Variants in CAMK2B observed in about 807,000 individuals in gnomAD.
The protein encoded by CAMK2B is calcium/calmodulin dependent protein kinase II beta.
CAMK2B carries 27 observed loss-of-function variants against 93.7 expected under a neutral mutation model. The observed-to-expected ratio is 0.29, with a 90% confidence interval of 0.21 to 0.40. The LOEUF (loss-of-function observed/expected upper bound fraction) is 0.40. Among genes scored for constraint, CAMK2B ranks in the 10% least tolerant of loss-of-function variants. The pLI is 1.00. For synonymous variants in CAMK2B, 374 were observed against 358.8 expected, an observed-to-expected ratio of 1.04 and a Z score of -0.48; for missense variants, 568 against 895.8, an observed-to-expected ratio of 0.63 and a Z score of 4.67.
rs1425366555 is a variant in CAMK2B, at chr7:44,242,567, G to A, written c.689C>T (p.Ala230Val). 2 of 1,608,756 alleles carry A rather than the reference G, an allele frequency of 1.2e-6. No homozygotes were observed. Among genetic ancestry groups the A allele is most frequent in the Admixed American group, 3.4e-5 (2 of 59,400 alleles). ...AGGGGCTGGTGCACTCACGTCATAG[G>A]CACCAGCCTTGATCTGCTGGTACAG... ...HKLYQQIKAGAYDFPSPEWDT... is the reference protein window; with the variant it reads ...HKLYQQIKAGVYDFPSPEWDT... The change falls in exon 9 of 24, where the codon GCC (alanine) becomes GTC (valine). Residue 230 changes from alanine (A) to valine (V), a missense_variant. Ala to Val is a moderately conservative substitution (Grantham distance 64, BLOSUM62 0). Around this residue, in one of 4 missense-constraint regions of CAMK2B, gnomAD observed 105 missense variants for 372.4 expected, o/e 0.28. Transcript: ENST00000395749.
intron 1 of CAMK2B, among the ~76,000 whole-genome samples, chr7:44,287,505 A>G (rs995893511): frequency 3.3e-5 from 5 of 152,104 alleles, no homozygotes; most frequent in Non-Finnish European, 7.4e-5. Context: ...GCAATCTGTC[A>G]CGGGAAGCCC....
rs2128877570 is a variant in CAMK2B at position 44,224,620 on chromosome 7, C to T, written c.1597+1896G>A. 6.6e-6 allele frequency among the ~76,000 whole-genome samples: 1 copy of T among 152,238 alleles called. No homozygotes were observed. Among genetic ancestry groups the T allele is most frequent in the Non-Finnish European group, 1.5e-5 (1 of 67,996 alleles). On this transcript the variant is annotated intron_variant, in intron 20 of 23. Coordinates refer to ENST00000395749, the MANE Select transcript of CAMK2B (RefSeq NM_001220.5). The surrounding 1 kb of genome is among the most constrained non-coding windows in gnomAD (Gnocchi z 4.4). ...CTAATGCGTCCAGGTGGGGTCAGAG[C>T]AGGTTCTCATCCTGGCCTGGACTCC... is the stretch of plus-strand genomic sequence containing the variant.
intron 15 of CAMK2B, among the ~76,000 whole-genome samples, 192 bp from the exon 16 acceptor site, chr7:44,233,058 A>C (rs1252232498): frequency 6.6e-6 from 1 of 152,070 alleles, no homozygotes; most frequent in Non-Finnish European, 1.5e-5. Context: ...AGCCTGGGTC[A>C]GCCGGCAGGG....
At chr7:44,307,475 A>C (rs1792224169) in intron 1 of CAMK2B, among the ~76,000 whole-genome samples, 1 of 151,828 alleles carries the variant, frequency 6.6e-6, no homozygotes. Context: ...GGAGGGTTTC[A>C]GGAGGCTCAG....
At chr7:44,228,708 T>C in intron 19 of CAMK2B, 88 bp downstream of exon 19, 1 of 1,261,586 alleles carries the variant, frequency 7.9e-7, no homozygotes, top group Non-Finnish European at 1.0e-6. Flanking sequence ...AGCTGGGCCG[T>C]GCATGCAGGT....
intron 5 of CAMK2B, among the ~76,000 whole-genome samples, chr7:44,254,014 C>T (rs1367756381): frequency 2.0e-5 from 3 of 151,706 alleles, no homozygotes; most frequent in Admixed American, 6.6e-5. Flanking sequence ...TGTACTGTTA[C>T]GAGAGACATC....
intron 6 of CAMK2B, 109 bp from the exon 7 acceptor site, chr7:44,243,636 A>C: frequency 1.2e-6 from 1 of 802,932 alleles, no homozygotes; most frequent in Non-Finnish European, 2.1e-6. Flanking sequence ...TGCAAGAGAC[A>C]GGTGCACAGG....
At chr7:44,241,645 CCA>C in intron 11 of CAMK2B, 53 bp downstream of exon 11, 1 of 1,427,304 alleles carries the variant, frequency 7.0e-7, no homozygotes, top group Non-Finnish European at 9.9e-7. Flanking sequence ...CTGCTCCAGC[CCA>C]GAGGGACACA....
chr7:44,307,578 C>G (rs376100158), intron 1 of CAMK2B, among the ~76,000 whole-genome samples: 32 of 152,098 alleles, frequency 2.1e-4, no homozygotes, highest in African/African-American at 7.5e-4. Context: ...CCTCCCCTGC[C>G]CACATGGAGA....
intron 1 of CAMK2B, among the ~76,000 whole-genome samples, chr7:44,295,589 C>T (rs1022725531): frequency 2.6e-5 from 4 of 152,224 alleles, no homozygotes; most frequent in African/African-American, 7.2e-5. Flanking sequence ...GCCTTAGCAG[C>T]GTGCACCCAC....
At chr7:44,278,099 C>T (rs563374169) in intron 2 of CAMK2B, among the ~76,000 whole-genome samples, 43 of 152,342 alleles carry the variant, frequency 2.8e-4, no homozygotes, top group South Asian at 1.4e-3. Flanking sequence ...CCAGGGGCGC[C>T]TGCCATGGGG....
At position 44,240,691 on chromosome 7, in the gene CAMK2B, G is replaced by A; in HGVS notation, c.946+16C>T. On this transcript the variant is annotated intron_variant, in intron 12 of 23. Coordinates refer to ENST00000395749, the MANE Select transcript of CAMK2B (RefSeq NM_001220.5). ...GGAGGGGGCAGCGCCTGTCTCCCTG[G>A]AGAAGAAAGGCTCACCTGAGAAATT... The A allele has an allele frequency of 6.2e-7, 1 of 1,613,670 alleles. No homozygotes were observed. The highest frequency in any genetic ancestry group is 8.5e-7 in the Non-Finnish European group (1 of 1,179,842).
intron 2 of CAMK2B, among the ~76,000 whole-genome samples, chr7:44,281,281 C>T (rs1009849876): frequency 6.6e-6 from 1 of 152,228 alleles, no homozygotes; most frequent in African/African-American, 2.4e-5. Context: ...AGCGGGGCCA[C>T]CAGACACTTG....
At chr7:44,269,072 G>C (rs953894877) in intron 2 of CAMK2B, among the ~76,000 whole-genome samples, 2 of 152,218 alleles carry the variant, frequency 1.3e-5, no homozygotes, top group Non-Finnish European at 2.9e-5. Context: ...AGAGAAGCCA[G>C]CTGAGGGCGA....
At chr7:44,242,931 G>T (rs1422149628) in intron 8 of CAMK2B, among the ~76,000 whole-genome samples, 1 of 152,186 alleles carries the variant, frequency 6.6e-6, no homozygotes, top group Non-Finnish European at 1.5e-5. Context: ...TACCCAAGGA[G>T]GTGGCCCTGC....
intron 16 of CAMK2B, 59 bp downstream of exon 16, chr7:44,232,763 C>G: frequency 6.5e-7 from 1 of 1,538,482 alleles, no homozygotes; most frequent in East Asian, 2.2e-5. Flanking sequence ...CCCCAGACCT[C>G]TCTCCTGGCC....
At chr7:44,229,077 C>T (rs754302669) in intron 18 of CAMK2B, 153 bp from the exon 19 acceptor site, 26 of 757,492 alleles carry the variant, frequency 3.4e-5, no homozygotes, top group Middle Eastern at 2.3e-4. Context: ...TAGCAGGGAG[C>T]CCCCCCGCCC....
At chr7:44,318,427 G>C (rs1328943114) in intron 1 of CAMK2B, among the ~76,000 whole-genome samples, 1 of 152,224 alleles carries the variant, frequency 6.6e-6, no homozygotes, top group Non-Finnish European at 1.5e-5. Context: ...CCAGGTGCAA[G>C]GCCTGAGTGA....
intron 1 of CAMK2B, among the ~76,000 whole-genome samples, chr7:44,305,539 G>A (rs1358054103): frequency 2.6e-5 from 4 of 152,204 alleles, no homozygotes; most frequent in Non-Finnish European, 4.4e-5. Context: ...ACCTCTTGCC[G>A]CCCTGCACAG....
Sources: allele counts gnomAD v4.1 joint callset (sites outside exome capture counted in the v4.1 genomes callset), GRCh38; gene constraint gnomAD v4.1.1; regional missense constraint gnomAD v4.1.1; non-coding constraint Gnocchi (gnomAD v3.1); transcripts MANE v1.5; gene names NCBI Gene and HGNC (gene_info 2026-07-23, HGNC 2026-07-21).